CHD9: variants seen among roughly 807,000 people sequenced by gnomAD.
The protein encoded by CHD9 is ATP-dependent chromatin remodeler CHD9.
CHD9 carries 77 observed loss-of-function variants against 316.1 expected under a neutral mutation model. The observed-to-expected ratio is 0.24, with a 90% CI of 0.20 to 0.29. The LOEUF (loss-of-function observed/expected upper bound fraction) is 0.29. Among genes scored for constraint, CHD9 ranks in the 10% least tolerant of loss-of-function variants. The probability of loss-of-function intolerance (pLI) is 1.00; values close to 1 mark genes in which losing one functional copy is unlikely to be tolerated. For synonymous variants in CHD9, 1,129 were observed against 1,158.3 expected, an observed-to-expected ratio of 0.97 and a Z score of 0.51; for missense variants, 2,763 against 3,438.1, an observed-to-expected ratio of 0.80 and a Z score of 4.91.
chr16:53,118,917 C>T (rs553882032), intron 1 of CHD9, among the ~76,000 whole-genome samples: 12 of 152,078 alleles, frequency 7.9e-5, no homozygotes, highest in Admixed American at 5.2e-4. Flanking sequence ...CTCACCCTCC[C>T]GCGTAGCTGG....
At chr16:53,226,237 G>A (rs942373953) in intron 4 of CHD9, 129 bp from the exon 5 acceptor site, 34 of 555,188 alleles carry the variant, frequency 6.1e-5, no homozygotes, top group Admixed American at 1.2e-4. Context: ...AACAAAATAG[G>A]AAAAGATAGT....
intron 3 of CHD9, among the ~76,000 whole-genome samples, chr16:53,215,352 C>G (rs2046668951): frequency 6.6e-6 from 1 of 152,176 alleles, no homozygotes; most frequent in Non-Finnish European, 1.5e-5. Context: ...AAAAGGATGT[C>G]CAACTTTAAA....
At chr16:53,160,204 G>A (rs2041814352) in intron 2 of CHD9, among the ~76,000 whole-genome samples, 1 of 152,054 alleles carries the variant, frequency 6.6e-6, no homozygotes, top group African/African-American at 2.4e-5. Flanking sequence ...AATTATGAGA[G>A]CTTATTGATT....
chr16:53,223,090 C>T (rs1032619293), intron 4 of CHD9, among the ~76,000 whole-genome samples: 1 of 152,028 alleles, frequency 6.6e-6, no homozygotes, highest in African/African-American at 2.4e-5. Context: ...TTTGAATGAA[C>T]GTGATGGACA....
intron 3 of CHD9, among the ~76,000 whole-genome samples, chr16:53,212,138 A>T (rs952622422): frequency 6.6e-6 from 1 of 152,184 alleles, no homozygotes; most frequent in African/African-American, 2.4e-5. Flanking sequence ...GCGGTGGCTC[A>T]TGCCTGTAAT....
At chr16:53,247,600 C>T (rs2049744723) in intron 16 of CHD9, 97 bp downstream of exon 16, 1 of 835,274 alleles carries the variant, frequency 1.2e-6, no homozygotes, top group African/African-American at 1.7e-5. Context: ...ATATCTTTCT[C>T]TTTGCTAGAT....
At chr16:53,269,310 A>G (rs73601687) in intron 22 of CHD9, among the ~76,000 whole-genome samples, 4,930 of 152,252 alleles carry the variant, frequency 0.032, 99 homozygotes, top group Middle Eastern at 0.072. Context: ...ATTTGTTACA[A>G]TTTTATTCTA....
At chr16:53,099,748 T>G (rs1294202251) in intron 1 of CHD9, among the ~76,000 whole-genome samples, 1 of 152,144 alleles carries the variant, frequency 6.6e-6, no homozygotes, top group African/African-American at 2.4e-5. Context: ...CGAGAGCACC[T>G]TGACCTATAT....
chr16:53,087,628 G>A (rs2035574235), intron 1 of CHD9, among the ~76,000 whole-genome samples: 1 of 152,106 alleles, frequency 6.6e-6, no homozygotes, highest in Non-Finnish European at 1.5e-5. Flanking sequence ...TATTCCTTAG[G>A]ATTCTTTTGG....
At chr16:53,235,785 CTGTTTTTCAA>C (rs1427367424) in intron 11 of CHD9, among the ~76,000 whole-genome samples, 1 of 152,070 alleles carries the variant, frequency 6.6e-6, no homozygotes, top group Non-Finnish European at 1.5e-5. Flanking sequence ...TTTTTATTAT[CTGTTTTTCAA>C]GGTTTTCAAA....
At chr16:53,296,542 G>A (rs925008755) in intron 29 of CHD9, among the ~76,000 whole-genome samples, 3 of 143,960 alleles carry the variant, frequency 2.1e-5, no homozygotes, top group Admixed American at 1.5e-4. Flanking sequence ...CTGGGTTCAC[G>A]CCATTCTCCT....
rs1238555241 is a variant in CHD9, at chr16:53,326,768, A to G, written c.*1873A>G. ...CTATGAGATAGCCAAAGTTTCAAAC[A>G]CAGTTATCTTAGTTTACCGGTGGAG... On this transcript the variant is annotated 3_prime_UTR_variant, in exon 39 of 39. Transcript: ENST00000447540. 1 of 106,394 alleles carries G rather than the reference A, an allele frequency of 9.4e-6. No homozygotes were observed. Among genetic ancestry groups the G allele is most frequent in the Non-Finnish European group, 2.0e-5 (1 of 50,496 alleles). 6.6% of individuals were successfully genotyped at this position (106,394 alleles called of 1,614,324 possible). A position where few individuals can be genotyped will look rare whatever the true frequency, so the allele number is the denominator to read the frequency against.
intron 1 of CHD9, among the ~76,000 whole-genome samples, chr16:53,109,341 A>C (rs554257491): frequency 6.6e-6 from 1 of 152,308 alleles, no homozygotes; most frequent in African/African-American, 2.4e-5. Context: ...TAGTCCAGCT[A>C]GTTTGTAGTT....
rs1218118750 is a variant in CHD9, at chr16:53,324,322, G to A, written c.8121G>A (p.Met2707Ile). ...CTTCTGGAGGAGAAGCTAAAAACATGGCTGCTATGTTCCCCATGCTGCTGT... is the reference window on the plus strand; with the variant it reads ...CTTCTGGAGGAGAAGCTAAAAACATAGCTGCTATGTTCCCCATGCTGCTGT... ...GLPSGGEAKN[M>I]AAMFPMLLSG... Residue 2707 changes from methionine to isoleucine, a missense_variant, in exon 39 of 39, where the codon ATG becomes ATA. Met to Ile is a conservative substitution (Grantham distance 10). Around this residue, in one of 15 missense-constraint regions of CHD9, gnomAD observed 298 missense variants for 380.2 expected, o/e 0.78. Coordinates refer to ENST00000447540, the MANE Select transcript of CHD9 (RefSeq NM_001308319.2). 1 of 1,613,958 alleles carries A rather than the reference G, an allele frequency of 6.2e-7. No individual in the cohort carries two copies. The highest frequency in any genetic ancestry group is 1.7e-5 in the Admixed American group (1 of 60,014).
chr16:53,304,498 TTCTTCTTCA>T lies in CHD9; in HGVS notation c.6498_6506del (p.Ser2168_Ser2170del). 1.5e-5 allele frequency: 22 copies of T among 1,429,184 alleles called. No individual in the cohort carries two copies. The highest frequency in any genetic ancestry group is 2.1e-5 in the Non-Finnish European group (22 of 1,047,162). 88.5% of individuals were successfully genotyped at this position (1,429,184 alleles called of 1,614,324 possible). A position where few individuals can be genotyped will look rare whatever the true frequency, so the allele number is the denominator to read the frequency against. ...GCTCCCACTCTCGATCAGGCTCTAGTTCTTCTTCATCTTCATCTTGTTCTTCAGCATCTT... is the reference window on the plus strand; with the variant it reads ...GCTCCCACTCTCGATCAGGCTCTAGTTCTTCATCTTGTTCTTCAGCATCTT... On this transcript the variant is annotated inframe_deletion, in exon 31 of 39. Coordinates refer to ENST00000447540, the MANE Select transcript of CHD9 (RefSeq NM_001308319.2).
intron 1 of CHD9, among the ~76,000 whole-genome samples, chr16:53,102,733 G>A (rs960965217): frequency 3.3e-5 from 5 of 152,148 alleles, no homozygotes; most frequent in Non-Finnish European, 5.9e-5. Flanking sequence ...GCCTGTAGTC[G>A]TAGCTACTCA....
At chr16:53,076,946 C>A (rs2034586823) in intron 1 of CHD9, among the ~76,000 whole-genome samples, 1 of 152,046 alleles carries the variant, frequency 6.6e-6, no homozygotes, top group African/African-American at 2.4e-5. Flanking sequence ...TCCTGAGTAG[C>A]TGGGACTACA....
chr16:53,307,559 G>A, intron 32 of CHD9, 122 bp from the exon 33 acceptor site: 1 of 769,114 alleles, frequency 1.3e-6, no homozygotes, highest in Non-Finnish European at 2.1e-6. Flanking sequence ...ACGAGAATAT[G>A]TATGCATAGC....
chr16:53,291,484 C>G (rs763149628), intron 27 of CHD9, among the ~76,000 whole-genome samples: 2 of 152,094 alleles, frequency 1.3e-5, no homozygotes, highest in Non-Finnish European at 2.9e-5. Flanking sequence ...TAACAGTAAT[C>G]ATAGAAAAGG....
Sources: gnomAD v4.1 joint callset for allele counts (sites outside exome capture counted in the v4.1 genomes callset) on GRCh38, gnomAD v4.1.1 for gene constraint, gnomAD v4.1.1 regional missense constraint, MANE v1.5 for transcripts, NCBI Gene and HGNC (gene_info 2026-07-23, HGNC 2026-07-21) for gene names.